DYNC2H1: variants seen among roughly 807,000 people sequenced by gnomAD.
DYNC2H1 encodes dynein cytoplasmic 2 heavy chain 1, also known as cytoplasmic dynein 2 heavy chain 1.
In DYNC2H1, 410 loss-of-function variants were observed where a neutral mutation model predicts 570.0. The observed-to-expected ratio is 0.72, with a 90% confidence interval of 0.66 to 0.78. The LOEUF (loss-of-function observed/expected upper bound fraction) is 0.78. Ranked by LOEUF, DYNC2H1 falls within the 30% of genes least tolerant of loss-of-function variation. The pLI is 0.00. For missense variants in DYNC2H1, 4,865 were observed against 5,046.4 expected, an observed-to-expected ratio of 0.96 and a Z score of 1.09; for synonymous variants, 1,688 against 1,677.6, an observed-to-expected ratio of 1.01 and a Z score of -0.15.
At chr11:103,447,254 G>A (rs186603521) in intron 85 of DYNC2H1, among the ~76,000 whole-genome samples, 2 of 152,252 alleles carry the variant, frequency 1.3e-5, no homozygotes, top group East Asian at 3.9e-4. Flanking sequence ...GGAAACTCCA[G>A]TACTCTAATA....
chr11:103,362,524 A>T lies in DYNC2H1; in HGVS notation c.12156+4165A>T, dbSNP rs530548980. On this transcript the variant is annotated intron_variant, in intron 83 of 88. Transcript: ENST00000375735. The stretch of plus-strand genomic sequence containing the variant: ...TATTAGCTCAATCAAGATATATGAA[A>T]TATTTTTCCCACTTTTTACAACTGT... Among the ~76,000 whole-genome samples the T allele has an allele frequency of 2.6e-3, 400 of 151,962 alleles. 4 individuals are homozygous for T. The highest frequency in any genetic ancestry group is 8.9e-3 in the African/African-American group (368 of 41,504).
chr11:103,397,807 A>T (rs567658049), intron 83 of DYNC2H1, among the ~76,000 whole-genome samples: 7 of 152,174 alleles, frequency 4.6e-5, no homozygotes, highest in Non-Finnish European at 1.0e-4. Flanking sequence ...AGGTGGGAGG[A>T]TCACCTGAGC....
intron 47 of DYNC2H1, among the ~76,000 whole-genome samples, chr11:103,196,272 A>G (rs769834644): frequency 1.3e-5 from 2 of 152,164 alleles, no homozygotes; most frequent in Non-Finnish European, 2.9e-5. Context: ...AGAAATGATG[A>G]GATGTGAGGA....
intron 10 of DYNC2H1, among the ~76,000 whole-genome samples, chr11:103,122,599 G>A (rs1333490624): frequency 1.3e-5 from 2 of 152,188 alleles, no homozygotes; most frequent in Non-Finnish European, 1.5e-5. Context: ...TTGGAGTTAT[G>A]CCTTGTATGG....
In DYNC2H1 at chr11:103,201,914, G is replaced by A. The variant is rs1303483450; in HGVS notation, c.8198-1749G>A. Among the ~76,000 whole-genome samples the A allele has an allele frequency of 6.6e-6, 1 of 152,112 alleles. No homozygotes were observed. The highest frequency in any genetic ancestry group is 2.4e-5 in the African/African-American group (1 of 41,426). On this transcript the variant is annotated intron_variant, in intron 50 of 88. Transcript: ENST00000375735. This position sits in a 1 kb window ranked among gnomAD's most constrained non-coding sequence, Gnocchi z 4.8. ...TTAAAAACTAGTTTCAATTGTATGGGTGGTATCACTGTGGGGATCAAAGGA... is the reference window on the plus strand; with the variant it reads ...TTAAAAACTAGTTTCAATTGTATGGATGGTATCACTGTGGGGATCAAAGGA...
chr11:103,155,804 A>G (rs1860791015), intron 25 of DYNC2H1, among the ~76,000 whole-genome samples: 1 of 152,208 alleles, frequency 6.6e-6, no homozygotes, highest in Admixed American at 6.5e-5. Context: ...ACAGACTTTT[A>G]GTGTTGCATT....
intron 61 of DYNC2H1, 22 bp from the exon 62 acceptor site, chr11:103,235,646 CTCTT>C: frequency 6.3e-7 from 1 of 1,589,388 alleles, no homozygotes; most frequent in Non-Finnish European, 8.6e-7. Flanking sequence ...ATATATCTCC[CTCTT>C]TCTTCTCTCT....
chr11:103,196,643 C>T (rs1373464070), intron 47 of DYNC2H1, among the ~76,000 whole-genome samples: 1 of 152,012 alleles, frequency 6.6e-6, no homozygotes, highest in Non-Finnish European at 1.5e-5. Flanking sequence ...GACTAGAAGG[C>T]TGAAATTGGA....
intron 69 of DYNC2H1, among the ~76,000 whole-genome samples, 171 bp from the exon 70 acceptor site, chr11:103,259,717 A>AT (rs1865194702): frequency 6.6e-6 from 1 of 152,158 alleles, no homozygotes; most frequent in Admixed American, 6.6e-5. Flanking sequence ...AAGATGCGTC[A>AT]TTTTTTAATA....
chr11:103,403,704 C>T (rs375516608), intron 84 of DYNC2H1: 10 of 152,062 alleles, frequency 6.6e-5, no homozygotes, highest in Non-Finnish European at 1.2e-4. Flanking sequence ...AGGACGTCTT[C>T]GGATGAGACT....
intron 17 of DYNC2H1, among the ~76,000 whole-genome samples, chr11:103,139,103 T>C (rs1439415590): frequency 6.6e-6 from 1 of 151,874 alleles, no homozygotes; most frequent in African/African-American, 2.4e-5. Context: ...TTCTTCTCTC[T>C]TTTTTTCTTT....
At chr11:103,260,076 T>C in intron 70 of DYNC2H1, 99 bp downstream of exon 70, 1 of 668,158 alleles carries the variant, frequency 1.5e-6, no homozygotes, top group Non-Finnish European at 2.3e-6. Context: ...ACTGGAAAGG[T>C]ATTAAAAATG....
chr11:103,475,299 C>G (rs1255714991), intron 88 of DYNC2H1, among the ~76,000 whole-genome samples: 1 of 152,106 alleles, frequency 6.6e-6, no homozygotes, highest in Non-Finnish European at 1.5e-5. Flanking sequence ...ATCTCCTTTT[C>G]TGCATTAATT....
Position 103,238,602 on chromosome 11 carries a change from CA to C in DYNC2H1, c.9819+2064del, listed in dbSNP as rs398017376. Reference sequence around the variant, plus strand: ...ACACATACACACACACACACACACACACCCCAATGCTAAAGCTTTTCTGAGG... The same window carrying C: ...ACACATACACACACACACACACACACCCCCAATGCTAAAGCTTTTCTGAGG... On this transcript the variant is annotated intron_variant, in intron 63 of 88. Coordinates refer to ENST00000375735, the MANE Select transcript of DYNC2H1 (RefSeq NM_001377.3). Among the ~76,000 whole-genome samples, 529 of 151,998 alleles carry C rather than the reference CA, an allele frequency of 3.5e-3. 4 individuals carry two copies. The highest frequency in any genetic ancestry group is 0.013 in the South Asian group (62 of 4,808).
intron 88 of DYNC2H1, among the ~76,000 whole-genome samples, chr11:103,473,674 A>G (rs1268358847): frequency 3.3e-5 from 5 of 152,198 alleles, no homozygotes; most frequent in Admixed American, 2.0e-4. Flanking sequence ...TCCACATAGT[A>G]TGATTTGGTC....
intron 83 of DYNC2H1, among the ~76,000 whole-genome samples, chr11:103,377,108 T>TAAG (rs1941424197): frequency 6.6e-6 from 1 of 152,194 alleles, no homozygotes; most frequent in South Asian, 2.1e-4. Context: ...GGGTTGAATA[T>TAAG]AATCGGGGCC....
intron 88 of DYNC2H1, among the ~76,000 whole-genome samples, chr11:103,473,729 G>A (rs960125470): frequency 6.6e-6 from 1 of 152,122 alleles, no homozygotes; most frequent in Non-Finnish European, 1.5e-5. Context: ...TGCCCTTCTG[G>A]CATTCCACAG....
intron 78 of DYNC2H1, among the ~76,000 whole-genome samples, chr11:103,310,366 T>C (rs1470378882): frequency 6.6e-6 from 1 of 152,162 alleles, no homozygotes; most frequent in Non-Finnish European, 1.5e-5. Context: ...CAGCTTAATA[T>C]GTCTTTGGCT....
chr11:103,311,425 A>G lies in DYNC2H1; in HGVS notation c.11494-453A>G, dbSNP rs137864781. On this transcript the variant is annotated intron_variant, in intron 78 of 88. Coordinates refer to ENST00000375735, the MANE Select transcript of DYNC2H1 (RefSeq NM_001377.3). Reference sequence around the variant, plus strand: ...TAATACTTTAAATCTGGACTAATGCATAAGGAACGTTAGTTGACATTCTAT... The same window carrying G: ...TAATACTTTAAATCTGGACTAATGCGTAAGGAACGTTAGTTGACATTCTAT... 3.6e-3 allele frequency among the ~76,000 whole-genome samples: 546 copies of G among 152,288 alleles called. 4 individuals are homozygous for G. The highest frequency in any genetic ancestry group is 0.013 in the African/African-American group (522 of 41,558).
Sources: gnomAD v4.1 joint callset for allele counts (sites outside exome capture counted in the v4.1 genomes callset) on GRCh38, gnomAD v4.1.1 for gene constraint, Gnocchi (gnomAD v3.1) non-coding constraint, MANE v1.5 for transcripts, NCBI Gene and HGNC (gene_info 2026-07-23, HGNC 2026-07-21) for gene names.